MEGF11: variants seen among roughly 807,000 people sequenced by gnomAD.
MEGF11 encodes the protein multiple epidermal growth factor-like domains protein 11.
A neutral mutation model predicts 146.6 loss-of-function variants in MEGF11; 126 were observed. That is an observed-to-expected ratio of 0.86 (90% confidence interval 0.74 to 1.00). MEGF11 has a LOEUF of 1.00. Among genes scored for constraint, MEGF11 ranks in the 50% least tolerant of loss-of-function variants. The pLI is 0.00. For missense variants in MEGF11, 1,509 were observed against 1,521.2 expected (o/e 0.99, Z 0.13); for synonymous variants, 532 against 583.4 (o/e 0.91, Z 1.27).
intron 5 of MEGF11, 36 bp downstream of exon 5, chr15:66,094,366 C>A: frequency 6.6e-7 from 1 of 1,520,370 alleles, no homozygotes; most frequent in East Asian, 2.5e-5. Flanking sequence ...CAAGTCAGAG[C>A]CAGGGTGCCT....
chr15:66,117,114 T>C (rs1484912847), intron 4 of MEGF11, among the ~76,000 whole-genome samples: 1 of 152,154 alleles, frequency 6.6e-6, no homozygotes, highest in Admixed American at 6.5e-5. Flanking sequence ...GTATGTAAAG[T>C]GATCAGAATG....
rs2080997670 is a variant in MEGF11 at position 65,964,825 on chromosome 15, T to TG, written c.1112+82dup. On this transcript the variant is annotated intron_variant, in intron 9 of 25. Coordinates refer to ENST00000395614, the MANE Select transcript of MEGF11 (RefSeq NM_001385028.1). ...CCTGCCTGGATGTCCATGCTAGAGG[T>TG]GGGGGGCCACATCCTAGCAAGCCTC... The TG allele has an allele frequency of 1.1e-5, 15 of 1,306,368 alleles. No individual in the cohort carries two copies. In the South Asian group the frequency reaches 1.4e-4, roughly 13 times the overall value. 80.9% of individuals were successfully genotyped at this position (1,306,368 alleles called of 1,614,324 possible).
rs1360478027 is a variant in MEGF11 at position 65,898,018 on chromosome 15, C to T, written c.3339G>A (p.Arg1113=). The T allele has an allele frequency of 1.3e-5, 21 of 1,613,976 alleles. No individual in the cohort carries two copies. Among genetic ancestry groups the T allele is most frequent in the Admixed American group, 1.7e-5 (1 of 60,022 alleles). ...SYIQNAYDLP[R]NSHIPGHYDL... is the part of the protein sequence containing the mutation. ...CATAATGACCAGGAATATGGCTGTTCCTAGGTAGGTCGTATGCATTCTGGA... is the reference window on the plus strand; with the variant it reads ...CATAATGACCAGGAATATGGCTGTTTCTAGGTAGGTCGTATGCATTCTGGA... The change falls in exon 26 of 26, where the codon AGG becomes AGA. Residue 1113 remains arginine (R), a synonymous_variant. Coordinates refer to ENST00000395614, the MANE Select transcript of MEGF11 (RefSeq NM_001385028.1).
chr15:66,150,799 C>G (rs956335947), intron 1 of MEGF11, among the ~76,000 whole-genome samples: 3 of 147,414 alleles, frequency 2.0e-5, no homozygotes, highest in African/African-American at 5.1e-5. Context: ...GCACTCCAGC[C>G]TGGGCAATAG....
At position 65,929,703 on chromosome 15, in the gene MEGF11, C is replaced by G. The variant is rs1246251409; in HGVS notation, c.1572+17G>C. 4 of 1,546,372 alleles carry G rather than the reference C, an allele frequency of 2.6e-6. No individual in the cohort carries two copies. The highest frequency in any genetic ancestry group is 3.5e-6 in the Non-Finnish European group (4 of 1,143,468). ...GGATGCGGAGCCCAACCTGTCCCTC[C>G]CCACCCTGGCACTCACCGGGCAAGG... On this transcript the variant is annotated intron_variant, in intron 12 of 25. Coordinates refer to ENST00000395614, the MANE Select transcript of MEGF11 (RefSeq NM_001385028.1).
intron 5 of MEGF11, among the ~76,000 whole-genome samples, chr15:66,012,649 C>T (rs961214923): frequency 3.3e-5 from 5 of 152,226 alleles, no homozygotes; most frequent in African/African-American, 1.2e-4. Context: ...CTGACATTAT[C>T]GATTTCCTGT....
intron 8 of MEGF11, among the ~76,000 whole-genome samples, chr15:65,965,609 T>TCTTTCTGTC (rs1567180128): frequency 1.2e-5 from 1 of 80,364 alleles, no homozygotes; most frequent in Non-Finnish European, 2.8e-5. Flanking sequence ...TCTTTTTTTT[T>TCTTTCTGTC]TTTCTTTTTT....
chr15:66,209,004 G>A (rs758245735), intron 1 of MEGF11, among the ~76,000 whole-genome samples: 14 of 152,104 alleles, frequency 9.2e-5, no homozygotes, highest in Admixed American at 3.9e-4. Context: ...ATTGCTGCTC[G>A]GAATATAAAA....
intron 5 of MEGF11, among the ~76,000 whole-genome samples, chr15:66,087,630 A>G (rs1359978810): frequency 6.6e-6 from 1 of 152,210 alleles, no homozygotes; most frequent in Non-Finnish European, 1.5e-5. Flanking sequence ...AATGACAATA[A>G]TGACACAACC....
chr15:66,143,485 G>C (rs1415894024), intron 1 of MEGF11, among the ~76,000 whole-genome samples: 1 of 152,216 alleles, frequency 6.6e-6, no homozygotes, highest in Non-Finnish European at 1.5e-5. Context: ...CTCGGGTGCA[G>C]ACAGAAGGGC....
intron 3 of MEGF11, among the ~76,000 whole-genome samples, chr15:66,121,132 C>G (rs1002937525): frequency 6.6e-6 from 1 of 152,174 alleles, no homozygotes; most frequent in African/African-American, 2.4e-5. Context: ...TCTAGGAATA[C>G]AGCCTATTTT....
chr15:66,231,948 C>T (rs1319492017), intron 1 of MEGF11, among the ~76,000 whole-genome samples: 2 of 152,230 alleles, frequency 1.3e-5, no homozygotes, highest in Non-Finnish European at 1.5e-5. Flanking sequence ...ATCCCCCCAA[C>T]AACCCTACAA....
At chr15:65,967,153 G>T (rs2081132726) in intron 8 of MEGF11, 1 of 152,144 alleles carries the variant, frequency 6.6e-6, no homozygotes, top group Non-Finnish European at 1.5e-5. Flanking sequence ...GAATTAAATG[G>T]GATAATGCGT....
chr15:66,163,360 G>C (rs889191535), intron 1 of MEGF11, among the ~76,000 whole-genome samples: 4 of 152,080 alleles, frequency 2.6e-5, no homozygotes, highest in Non-Finnish European at 5.9e-5. Flanking sequence ...AAACAAGATG[G>C]AAACCCTAGG....
rs146120077 is a variant in MEGF11 at position 65,952,146 on chromosome 15, C to G, written c.1287+5401G>C. Among the ~76,000 whole-genome samples the G allele has an allele frequency of 7.5e-3, 1,147 of 152,262 alleles. 13 individuals carry two copies. The highest frequency in any genetic ancestry group is 0.048 in the South Asian group (229 of 4,818). On this transcript the variant is annotated intron_variant, in intron 10 of 25. Coordinates refer to ENST00000395614, the MANE Select transcript of MEGF11 (RefSeq NM_001385028.1). ...CAGAATTCAGTACTGCCCACAATTT[C>G]AGGCACTGGAGGTCTTAGAATGTAT...
chr15:65,933,019 C>T (rs1255254000), intron 10 of MEGF11, among the ~76,000 whole-genome samples: 1 of 152,188 alleles, frequency 6.6e-6, no homozygotes, highest in Non-Finnish European at 1.5e-5. Flanking sequence ...AGGGTCCAGG[C>T]ATCTGGCTTC....
intron 5 of MEGF11, among the ~76,000 whole-genome samples, chr15:65,989,672 C>T (rs2081971992): frequency 6.6e-6 from 1 of 152,222 alleles, no homozygotes; most frequent in African/African-American, 2.4e-5. Flanking sequence ...TCTTTCCAGG[C>T]CTAAGCTGCA....
chr15:65,917,008 C>T (rs922255249), intron 16 of MEGF11, 52 bp from the exon 17 acceptor site: 23 of 1,434,648 alleles, frequency 1.6e-5, no homozygotes, highest in African/African-American at 8.8e-5. Context: ...GAGGGGCAGA[C>T]GGAGAGGGAG....
chr15:66,067,578 C>T (rs937182520), intron 5 of MEGF11, among the ~76,000 whole-genome samples: 1 of 152,206 alleles, frequency 6.6e-6, no homozygotes, highest in South Asian at 2.1e-4. Flanking sequence ...GACCCTTTGC[C>T]TTTGGCCAAC....
Sources: allele counts gnomAD v4.1 joint callset (sites outside exome capture counted in the v4.1 genomes callset), GRCh38; gene constraint gnomAD v4.1.1; transcripts MANE v1.5; gene names NCBI Gene and HGNC (gene_info 2026-07-23, HGNC 2026-07-21).